Variants in SMOC1 observed in about 807,000 individuals in gnomAD.
SMOC1 encodes SPARC-related modular calcium-binding protein 1.
SMOC1 carries 22 observed loss-of-function variants against 56.3 expected under a neutral mutation model. The ratio of observed to expected loss-of-function variants is 0.39; its 90% CI spans 0.28 to 0.56. SMOC1 has a LOEUF of 0.56. SMOC1 is among the 20% of genes least tolerant of loss of function. The pLI, the probability that SMOC1 is intolerant of heterozygous loss-of-function variation, is 0.61. For synonymous variants in SMOC1, 193 were observed against 215.0 expected (o/e 0.90, Z 0.89); for missense variants, 509 against 565.4 (o/e 0.90, Z 1.01).
chr14:70,022,804 A>G (rs1885778847), intron 10 of SMOC1, among the ~76,000 whole-genome samples: 1 of 152,242 alleles, frequency 6.6e-6, no homozygotes, highest in South Asian at 2.1e-4. Context: ...CACAGGGCAC[A>G]TGTTTACGTG....
chr14:69,898,002 C>T (rs1249129516), intron 1 of SMOC1, among the ~76,000 whole-genome samples: 12 of 151,996 alleles, frequency 7.9e-5, no homozygotes, highest in Non-Finnish European at 1.6e-4. Context: ...TTTTTATTTG[C>T]CTCAGAGTCT....
chr14:69,975,356 G>C (rs1295495414), intron 3 of SMOC1, among the ~76,000 whole-genome samples: 1 of 152,108 alleles, frequency 6.6e-6, no homozygotes, highest in Non-Finnish European at 1.5e-5. Context: ...AATAGGGTGG[G>C]TTAGAATTTT....
chr14:70,030,092 C>T (rs1354302556), intron 11 of SMOC1, 150 bp from the exon 12 acceptor site: 2 of 1,159,606 alleles, frequency 1.7e-6, no homozygotes, highest in African/African-American at 3.1e-5. Flanking sequence ...CCCCACCTAG[C>T]CTCATAGAGG....
At chr14:69,993,718 A>G (rs78874499) in intron 6 of SMOC1, among the ~76,000 whole-genome samples, 1,683 of 152,316 alleles carry the variant, frequency 0.011, 28 homozygotes, top group African/African-American at 0.039. Flanking sequence ...TGGATCATTG[A>G]CAAGTCTGGG....
chr14:70,022,014 C>T (rs896475032), intron 10 of SMOC1, among the ~76,000 whole-genome samples: 1 of 152,144 alleles, frequency 6.6e-6, no homozygotes, highest in African/African-American at 2.4e-5. Context: ...GTCCCAGCGC[C>T]CTGCACACTG....
At chr14:69,906,086 G>A (rs979748220) in intron 1 of SMOC1, among the ~76,000 whole-genome samples, 16 of 152,116 alleles carry the variant, frequency 1.1e-4, no homozygotes, top group Non-Finnish European at 2.4e-4. Flanking sequence ...TCATGGAAGA[G>A]GATTGTAGCA....
chr14:69,947,689 G>C (rs1320210523), intron 1 of SMOC1, among the ~76,000 whole-genome samples: 1 of 151,814 alleles, frequency 6.6e-6, no homozygotes, highest in Non-Finnish European at 1.5e-5. Flanking sequence ...TTATAACTGG[G>C]CTGTTGCATA....
At chr14:70,024,967 C>G (rs1037641259) in intron 11 of SMOC1, among the ~76,000 whole-genome samples, 1 of 152,056 alleles carries the variant, frequency 6.6e-6, no homozygotes, top group African/African-American at 2.4e-5. Flanking sequence ...GAAAACACAG[C>G]AGGGTAAGGG....
chr14:69,932,190 A>ACC (rs762646326), intron 1 of SMOC1, among the ~76,000 whole-genome samples: 1 of 152,200 alleles, frequency 6.6e-6, no homozygotes, highest in Non-Finnish European at 1.5e-5. Context: ...ACACGAGTCC[A>ACC]CCAGCGGGGT....
chr14:69,886,181 A>G (rs975340393), intron 1 of SMOC1: 10 of 927,492 alleles, frequency 1.1e-5, no homozygotes, highest in South Asian at 6.9e-5. Context: ...AACAACTTCT[A>G]TATCTGGTCC....
Position 69,994,473 on chromosome 14 carries a change from A to G in SMOC1, c.657A>G (p.Arg219=), listed in dbSNP as rs1884692875. ...CCAAACTGAACAACACCAACATAAG[A>G]AATTCAGGTAAATAACCTTCCTTGG... ...KDSKLNNTNI[R]NSEKVYSCDQ... Residue 219 remains arginine, a synonymous_variant, in exon 7 of 12, where the codon AGA becomes AGG. Transcript: ENST00000361956. The G allele has an allele frequency of 6.2e-7, 1 of 1,611,536 alleles. No individual in the cohort carries two copies. Among genetic ancestry groups the G allele is most frequent in the Non-Finnish European group, 8.5e-7 (1 of 1,177,788 alleles).
intron 1 of SMOC1, among the ~76,000 whole-genome samples, chr14:69,916,520 C>T (rs1884691039): frequency 6.6e-6 from 1 of 152,240 alleles, no homozygotes; most frequent in Non-Finnish European, 1.5e-5. Flanking sequence ...GTAATTTTCT[C>T]CTTGGCTGCC....
intron 3 of SMOC1, among the ~76,000 whole-genome samples, chr14:69,967,814 C>CA (rs1364065499): frequency 2.6e-5 from 4 of 152,184 alleles, no homozygotes; most frequent in Admixed American, 6.5e-5. Context: ...TTTTTGTCTC[C>CA]AAAACCATGT....
intron 7 of SMOC1, among the ~76,000 whole-genome samples, chr14:70,009,065 G>A (rs1266232352): frequency 6.6e-6 from 1 of 152,168 alleles, no homozygotes; most frequent in Non-Finnish European, 1.5e-5. Context: ...TCTGTCAGCT[G>A]TTTTAAACTC....
At chr14:69,929,190 G>A (rs2139386524) in intron 1 of SMOC1, among the ~76,000 whole-genome samples, 1 of 152,330 alleles carries the variant, frequency 6.6e-6, no homozygotes, top group Non-Finnish European at 1.5e-5. Flanking sequence ...ATGGAAGGAA[G>A]AGGGAGGAGG....
rs375597801 is a variant in SMOC1, at chr14:70,023,193, C to T, written c.1047-10C>T. On this transcript the variant is annotated splice_polypyrimidine_tract_variant and intron_variant, in intron 10 of 11. Coordinates refer to ENST00000361956, the MANE Select transcript of SMOC1 (RefSeq NM_001034852.3). ...GTTCTCTGCGGTGGGGGTGTTTGTC[C>T]ATGGCCCAGGTTCTCAGAGCCAGAC... is the stretch of plus-strand genomic sequence containing the variant. The T allele has an allele frequency of 1.2e-6, 2 of 1,614,012 alleles. No homozygotes were observed. The highest frequency in any genetic ancestry group is 1.7e-6 in the Non-Finnish European group (2 of 1,179,998).
chr14:69,939,353 T>A (rs1006642307), intron 1 of SMOC1, among the ~76,000 whole-genome samples: 6 of 152,332 alleles, frequency 3.9e-5, no homozygotes, highest in South Asian at 4.2e-4. Context: ...TGAGATTTAT[T>A]CACTATCATG....
chr14:69,959,046 C>T (rs1883282277), intron 3 of SMOC1, among the ~76,000 whole-genome samples: 1 of 152,038 alleles, frequency 6.6e-6, no homozygotes, highest in Admixed American at 6.5e-5. Flanking sequence ...ATTTCATGAC[C>T]CTGAAATAGC....
intron 10 of SMOC1, among the ~76,000 whole-genome samples, chr14:70,017,685 C>T (rs940662131): frequency 1.3e-5 from 2 of 152,198 alleles, no homozygotes; most frequent in South Asian, 2.1e-4. Context: ...TCAGCTCTCA[C>T]GTTTCAACCC....
Sources: allele counts gnomAD v4.1 joint callset (sites outside exome capture counted in the v4.1 genomes callset), GRCh38; gene constraint gnomAD v4.1.1; transcripts MANE v1.5; gene names NCBI Gene and HGNC (gene_info 2026-07-23, HGNC 2026-07-21).